The following CCDC157 variants were observed in gnomAD, a reference collection of about 807,000 sequenced individuals.
The protein encoded by CCDC157 is coiled-coil domain containing 157, also known as coiled-coil domain-containing protein 157.
CCDC157 carries 60 observed loss-of-function variants against 70.9 expected under a neutral mutation model. The observed-to-expected ratio is 0.85, with a 90% CI of 0.69 to 1.05. CCDC157 has a LOEUF of 1.05. Ranked by LOEUF, CCDC157 falls within the 50% of genes least tolerant of loss-of-function variation. The pLI, the probability that CCDC157 is intolerant of heterozygous loss-of-function variation, is 0.00. For missense variants in CCDC157, 943 were observed against 984.2 expected (o/e 0.96, Z 0.56); for synonymous variants, 373 against 422.4 (o/e 0.88, Z 1.43).
At chr22:30,360,535 A>G (rs1932263556) in intron 1 of CCDC157, among the ~76,000 whole-genome samples, 1 of 152,098 alleles carries the variant, frequency 6.6e-6, no homozygotes, top group South Asian at 2.1e-4. Context: ...CCTGACATGG[A>G]AACCTTCAGA....
In CCDC157 at chr22:30,370,777, A is replaced by G; in HGVS notation, c.872A>G (p.Glu291Gly). Reference sequence around the variant, plus strand: ...CTGACGCGCCTCAGTAAGCATGTGGAGGCCCTCAGGGCCCAGCTGGAGGAG... The same window carrying G: ...CTGACGCGCCTCAGTAAGCATGTGGGGGCCCTCAGGGCCCAGCTGGAGGAG... ...KDLTRLSKHV[E>G]ALRAQLEEAE... Residue 291 changes from glutamate to glycine, a missense_variant, in exon 5 of 12, where the codon GAG becomes GGG. By Grantham distance (98) the Glu-to-Gly change is moderately conservative. Coordinates refer to ENST00000338306, the MANE Select transcript of CCDC157 (RefSeq NM_001017437.5). 6.2e-7 allele frequency: 1 copy of G among 1,613,536 alleles called. No homozygotes were observed. The highest frequency in any genetic ancestry group is 8.5e-7 in the Non-Finnish European group (1 of 1,179,986).
At position 30,369,498 on chromosome 22, in the gene CCDC157, C is replaced by T. The variant is rs537117205; in HGVS notation, c.315C>T (p.Pro105=). 9.3e-6 allele frequency: 15 copies of T among 1,605,030 alleles called. No homozygotes were observed. Among genetic ancestry groups the T allele is most frequent in the South Asian group, 2.2e-5 (2 of 90,244 alleles). The change falls in exon 4 of 12, where the codon CCC becomes CCT. Residue 105 remains proline (P), a synonymous_variant. Coordinates refer to ENST00000338306, the MANE Select transcript of CCDC157 (RefSeq NM_001017437.5). ...ACCTTGGCTCAGAGCAGATGATGCCCCCTGCACAGGCTGCGGGGCCCTGCA... is the reference window on the plus strand; with the variant it reads ...ACCTTGGCTCAGAGCAGATGATGCCTCCTGCACAGGCTGCGGGGCCCTGCA... ...LENLGSEQMM[P]PAQAAGPCMS...
Position 30,376,462 on chromosome 22 carries a change from G to A in CCDC157, c.1976G>A (p.Ser659Asn), listed in dbSNP as rs146401337. 86 of 1,613,930 alleles carry A rather than the reference G, an allele frequency of 5.3e-5. 1 individual carries two copies. In the African/African-American group the frequency reaches 8.3e-4, roughly 16 times the overall value. The change falls in exon 12 of 12, where the codon AGC becomes AAC. Residue 659 changes from serine to asparagine, a missense_variant. Coordinates refer to ENST00000338306, the MANE Select transcript of CCDC157 (RefSeq NM_001017437.5). ...CTGGGCAGACAGCACCTTCCTAGCA[G>A]CAGGACGGGTAGGACCCTGCTGGGC... ...GPLGRQHLPS[S>N]RTGRTLLGQP...
chr22:30,361,470 A>G lies in CCDC157; in HGVS notation c.-165-491A>G, dbSNP rs373434507. Among the ~76,000 whole-genome samples, 15 of 152,214 alleles carry G rather than the reference A, an allele frequency of 9.9e-5. 2 individuals carry two copies. The East Asian group carries it at 2.3e-3, about 23-fold the overall frequency. ...TGGCGGCCTGCTTCAGAGAAGAAGG[A>G]TGAGGGGAAGATGAGGGTGGCCTTC... On this transcript the variant is annotated intron_variant, in intron 1 of 11. Transcript: ENST00000338306.
intron 1 of CCDC157, among the ~76,000 whole-genome samples, chr22:30,361,389 A>C (rs1325453836): frequency 1.3e-5 from 2 of 152,076 alleles, no homozygotes; most frequent in Non-Finnish European, 2.9e-5. Context: ...AGGGCAGGAC[A>C]CCTGTCACAT....
chr22:30,376,405 G>C, intron 11 of CCDC157, 28 bp from the exon 12 acceptor site: 1 of 1,613,962 alleles, frequency 6.2e-7, no homozygotes, highest in Non-Finnish European at 8.5e-7. Context: ...TGCATTCACA[G>C]GGGATCTTGG....
At position 30,376,238 on chromosome 22, in the gene CCDC157, GCTTT is replaced by G. The variant is rs1569195618; in HGVS notation, c.1858-20_1858-17del. On this transcript the variant is annotated splice_polypyrimidine_tract_variant and intron_variant, in intron 10 of 11. Coordinates refer to ENST00000338306, the MANE Select transcript of CCDC157 (RefSeq NM_001017437.5). Reference sequence around the variant, plus strand: ...GGACTCCTGGGCCCTTATAAGACTGGCTTTTTTTTTTTTTTTGTAGCTGATCCCG... The same window carrying G: ...GGACTCCTGGGCCCTTATAAGACTGGTTTTTTTTTTTTGTAGCTGATCCCG... 1.5e-6 allele frequency: 2 copies of G among 1,313,584 alleles called. No homozygotes were observed. The highest frequency in any genetic ancestry group is 2.2e-6 in the Non-Finnish European group (2 of 916,300). The allele number at this position is 1,313,584 out of a possible 1,614,324, so 81.4% of individuals were successfully genotyped here.
At chr22:30,365,250 G>C (rs190681881) in intron 2 of CCDC157, among the ~76,000 whole-genome samples, 1 of 152,276 alleles carries the variant, frequency 6.6e-6, no homozygotes, top group Non-Finnish European at 1.5e-5. Flanking sequence ...GATTCAGACA[G>C]AGGGGACAGA....
chr22:30,370,426 C>G lies in CCDC157; in HGVS notation c.521C>G (p.Ser174Cys). The change falls in exon 5 of 12, where the codon TCC becomes TGC. Residue 174 changes from serine to cysteine, a missense_variant. By Grantham distance (112) the Ser-to-Cys change is moderately radical. Transcript: ENST00000338306. ...EYLTTKLIKPSSPVLGLPQTC... is the reference protein window; with the variant it reads ...EYLTTKLIKPCSPVLGLPQTC... ...CTGACTACCAAGTTAATCAAGCCCT[C>G]CTCCCCAGTGCTAGGCTTGCCCCAG... The G allele has an allele frequency of 1.9e-6, 3 of 1,614,160 alleles. No homozygotes were observed. Among genetic ancestry groups the G allele is most frequent in the Non-Finnish European group, 2.5e-6 (3 of 1,180,036 alleles).
In CCDC157 at chr22:30,372,118, G is replaced by A. The variant is rs368707665; in HGVS notation, c.1167G>A (p.Ala389=). Reference sequence around the variant, plus strand: ...TGCAGGAGGAAGGTGAGCGCAGGGCGGCAGCGGAGAGGCAGGTGCAGCAGC... The same window carrying A: ...TGCAGGAGGAAGGTGAGCGCAGGGCAGCAGCGGAGAGGCAGGTGCAGCAGC... The part of the protein sequence containing the change: ...QQLQEEGERR[A]AAERQVQQLE... Residue 389 remains alanine (A), a synonymous_variant, in exon 7 of 12, where the codon GCG becomes GCA. Coordinates refer to ENST00000338306, the MANE Select transcript of CCDC157 (RefSeq NM_001017437.5). The A allele has an allele frequency of 8.9e-4, 1,387 of 1,558,244 alleles. 7 individuals carry two copies. The Middle Eastern group carries it at 0.011, about 12-fold the overall frequency.
intron 3 of CCDC157, among the ~76,000 whole-genome samples, chr22:30,368,206 C>T (rs1231851949): frequency 6.6e-6 from 1 of 152,224 alleles, no homozygotes; most frequent in African/African-American, 2.4e-5. Context: ...GGTACAAAAG[C>T]ACCATCTGTA....
chr22:30,376,177 C>T, intron 10 of CCDC157, 82 bp from the exon 11 acceptor site: 2 of 1,331,362 alleles, frequency 1.5e-6, no homozygotes, highest in Non-Finnish European at 2.1e-6. Flanking sequence ...CCCTCCCCAT[C>T]CCTGGCTACG....
chr22:30,365,631 G>A (rs1287099019), intron 2 of CCDC157, among the ~76,000 whole-genome samples: 2 of 152,174 alleles, frequency 1.3e-5, no homozygotes, highest in Admixed American at 1.3e-4. Context: ...ACTCTCAGTT[G>A]TGTGTGCCCT....
chr22:30,363,837 G>T (rs1218666325), intron 2 of CCDC157, among the ~76,000 whole-genome samples: 2 of 152,040 alleles, frequency 1.3e-5, no homozygotes, highest in African/African-American at 2.4e-5. Flanking sequence ...ATAGGCATCC[G>T]CCATCATGTC....
At chr22:30,371,990 G>A (rs2145930132) in intron 6 of CCDC157, 85 bp from the exon 7 acceptor site, 1 of 942,956 alleles carries the variant, frequency 1.1e-6, no homozygotes, top group East Asian at 2.6e-5. Flanking sequence ...GAGGCCCAGA[G>A]ATGGGATGTG....
At chr22:30,358,940 A>G (rs558190046) in intron 1 of CCDC157, among the ~76,000 whole-genome samples, 10 of 152,266 alleles carry the variant, frequency 6.6e-5, no homozygotes, top group African/African-American at 1.9e-4. Flanking sequence ...CATGACTTCA[A>G]TTTTCAGAAG....
rs957002519 is a variant in CCDC157 at position 30,378,219 on chromosome 22, A to G, written c.*1474A>G. On this transcript the variant is annotated 3_prime_UTR_variant, in exon 12 of 12. Transcript: ENST00000338306. Reference sequence around the variant, plus strand: ...CAAATCCCTGACTTCCTCCTCTTCTACCAGCAGAAAACTACTTTGAATAGG... The same window carrying G: ...CAAATCCCTGACTTCCTCCTCTTCTGCCAGCAGAAAACTACTTTGAATAGG... 1.3e-5 allele frequency: 6 copies of G among 468,568 alleles called. No individual in the cohort carries two copies. The highest frequency in any genetic ancestry group is 8.0e-5 in the African/African-American group (4 of 50,034). The allele number at this position is 468,568 out of a possible 1,614,324, so 29.0% of individuals were successfully genotyped here. A position where few individuals can be genotyped will look rare whatever the true frequency, so the allele number is the denominator to read the frequency against.
chr22:30,376,203 A>G, intron 10 of CCDC157, 56 bp from the exon 11 acceptor site: 7 of 1,491,198 alleles, frequency 4.7e-6, no homozygotes, highest in South Asian at 4.5e-5. Context: ...CTCTCTGTAC[A>G]GTGGGGAGGG....
In CCDC157 at chr22:30,376,904, C is replaced by G; in HGVS notation, c.*159C>G. The G allele has an allele frequency of 1.4e-6, 1 of 698,724 alleles. No individual in the cohort carries two copies. The highest frequency in any genetic ancestry group is 2.4e-6 in the Non-Finnish European group (1 of 424,740). 43.3% of individuals were successfully genotyped at this position (698,724 alleles called of 1,614,324 possible). On this transcript the variant is annotated 3_prime_UTR_variant, in exon 12 of 12. Coordinates refer to ENST00000338306, the MANE Select transcript of CCDC157 (RefSeq NM_001017437.5). The stretch of plus-strand genomic sequence containing the variant: ...GTCCTGGGCAGGGGCCACTGAGTCC[C>G]CAGCCATGTAGTTCAGTCAGTCAGC...
Sources: allele counts gnomAD v4.1 joint callset (sites outside exome capture counted in the v4.1 genomes callset), GRCh38; gene constraint gnomAD v4.1.1; transcripts MANE v1.5; gene names NCBI Gene and HGNC (gene_info 2026-07-23, HGNC 2026-07-21).